The following BNC2 variants were observed in gnomAD, a reference collection of about 807,000 sequenced individuals.
BNC2 encodes the protein basonuclin zinc finger protein 2, also known as zinc finger protein basonuclin-2.
A neutral mutation model predicts 76.3 loss-of-function variants in BNC2; 20 were observed. That is an observed-to-expected ratio of 0.26 (90% CI 0.18 to 0.38). BNC2 has a LOEUF of 0.38. Among genes scored for constraint, BNC2 ranks in the 10% least tolerant of loss-of-function variants. The probability of loss-of-function intolerance (pLI) is 1.00; values close to 1 mark genes in which losing one functional copy is unlikely to be tolerated. For synonymous variants in BNC2, 582 were observed against 514.8 expected, an observed-to-expected ratio of 1.13 and a Z score of -1.77; for missense variants, 1,382 against 1,399.8, an observed-to-expected ratio of 0.99 and a Z score of 0.20.
At chr9:16,669,226 G>C (rs1410745967) in intron 3 of BNC2, among the ~76,000 whole-genome samples, 1 of 152,136 alleles carries the variant, frequency 6.6e-6, no homozygotes, top group African/African-American at 2.4e-5. Flanking sequence ...TATATTGAAA[G>C]TGACCAACCA....
At chr9:16,658,669 C>G (rs1822004973) in intron 3 of BNC2, among the ~76,000 whole-genome samples, 1 of 152,186 alleles carries the variant, frequency 6.6e-6, no homozygotes, top group African/African-American at 2.4e-5. Context: ...CAGCCCTTTT[C>G]CTCCCCAGCA....
At chr9:16,848,364 T>G (rs1819041113) in intron 1 of BNC2, among the ~76,000 whole-genome samples, 1 of 152,130 alleles carries the variant, frequency 6.6e-6, no homozygotes, top group South Asian at 2.1e-4. Flanking sequence ...TGTAATTAAG[T>G]GCATTCTTGA....
chr9:16,532,302 T>A (rs1818006228), intron 5 of BNC2, among the ~76,000 whole-genome samples: 1 of 152,172 alleles, frequency 6.6e-6, no homozygotes, highest in African/African-American at 2.4e-5. Flanking sequence ...ATTTTCCCTG[T>A]CCTTTTATTA....
intron 5 of BNC2, among the ~76,000 whole-genome samples, chr9:16,467,966 C>A (rs1180012944): frequency 6.6e-6 from 1 of 151,832 alleles, no homozygotes; most frequent in Non-Finnish European, 1.5e-5. Context: ...TCACTTCTTC[C>A]AATTCTATCC....
intron 3 of BNC2, among the ~76,000 whole-genome samples, chr9:16,716,413 C>T (rs1823996909): frequency 6.6e-6 from 1 of 152,094 alleles, no homozygotes; most frequent in South Asian, 2.1e-4. Flanking sequence ...TACCTAAAAG[C>T]AGATGTCTAT....
At chr9:16,486,706 C>A (rs1822171318) in intron 5 of BNC2, among the ~76,000 whole-genome samples, 1 of 152,014 alleles carries the variant, frequency 6.6e-6, no homozygotes, top group Non-Finnish European at 1.5e-5. Flanking sequence ...TAAACTGTAG[C>A]AATTTGGGAG....
rs569381582 is a variant in BNC2, at chr9:16,481,995, GTAA to G, written c.670-44474_670-44472del. 6.6e-5 allele frequency among the ~76,000 whole-genome samples: 10 copies of G among 152,250 alleles called. No homozygotes were observed. The South Asian group carries it at 2.1e-3, about 32-fold the overall frequency. ...GGATAATCTGAGCTCCAAAGTATGT[GTAA>G]TAAAATAAGTACTCAATAAATGTTA... On this transcript the variant is annotated intron_variant, in intron 5 of 6. Coordinates refer to ENST00000380672, the MANE Select transcript of BNC2 (RefSeq NM_017637.6).
intron 1 of BNC2, among the ~76,000 whole-genome samples, chr9:16,842,560 T>C (rs1304582007): frequency 6.6e-6 from 1 of 152,198 alleles, no homozygotes; most frequent in Non-Finnish European, 1.5e-5. Flanking sequence ...TAAATAGTGT[T>C]GATGGTTCCA....
At chr9:16,479,281 AAAAAG>A (rs138150754) in intron 5 of BNC2, among the ~76,000 whole-genome samples, 3 of 151,872 alleles carry the variant, frequency 2.0e-5, no homozygotes, top group South Asian at 2.1e-4. Flanking sequence ...AAAGAAAAAG[AAAAAG>A]AAAAGAAAAA....
intron 6 of BNC2, among the ~76,000 whole-genome samples, chr9:16,426,616 C>T (rs1261812935): frequency 1.3e-5 from 2 of 152,104 alleles, no homozygotes; most frequent in Non-Finnish European, 2.9e-5. Flanking sequence ...CTAATAAAGA[C>T]ACCTGAACAA....
At chr9:16,755,535 C>T (rs907262344) in intron 1 of BNC2, among the ~76,000 whole-genome samples, 18 of 151,980 alleles carry the variant, frequency 1.2e-4, no homozygotes, top group African/African-American at 4.4e-4. Flanking sequence ...AGAGATGACC[C>T]CCCCATCCTT....
chr9:16,480,066 T>C (rs1822013358), intron 5 of BNC2, among the ~76,000 whole-genome samples: 1 of 152,228 alleles, frequency 6.6e-6, no homozygotes, highest in Admixed American at 6.5e-5. Context: ...TGTAACAACA[T>C]TCAACACAGG....
chr9:16,470,942 C>T lies in BNC2; in HGVS notation c.670-33418G>A, dbSNP rs186658674. 2.6e-3 allele frequency among the ~76,000 whole-genome samples: 393 copies of T among 152,268 alleles called. 3 individuals carry two copies. Among genetic ancestry groups the T allele is most frequent in the Non-Finnish European group, 2.7e-3 (181 of 68,030 alleles). ...GAAGAGGGCCACCGACCTTTAGACC[C>T]GAGAATGGTAAATCCACCGACAACT... On this transcript the variant is annotated intron_variant, in intron 5 of 6. Coordinates refer to ENST00000380672, the MANE Select transcript of BNC2 (RefSeq NM_017637.6).
At chr9:16,750,158 C>G (rs543051906) in intron 1 of BNC2, among the ~76,000 whole-genome samples, 1 of 151,942 alleles carries the variant, frequency 6.6e-6, no homozygotes, top group Non-Finnish European at 1.5e-5. Flanking sequence ...GAACTGATAC[C>G]TAAAATAATT....
At chr9:16,569,078 A>T (rs1465114044) in intron 4 of BNC2, among the ~76,000 whole-genome samples, 1 of 150,392 alleles carries the variant, frequency 6.6e-6, no homozygotes, top group African/African-American at 2.5e-5. Context: ...AAGTGTGGTG[A>T]TAAAAACTGT....
intron 5 of BNC2, among the ~76,000 whole-genome samples, chr9:16,451,089 T>G (rs368117384): frequency 6.6e-6 from 1 of 152,192 alleles, no homozygotes; most frequent in Non-Finnish European, 1.5e-5. Flanking sequence ...TGGATTTCGT[T>G]GCCTTTTTAC....
chr9:16,593,073 A>G (rs563384084), intron 3 of BNC2, among the ~76,000 whole-genome samples: 1 of 152,222 alleles, frequency 6.6e-6, no homozygotes, highest in East Asian at 1.9e-4. Context: ...TCAAAGTATT[A>G]AAAAAATTCT....
chr9:16,655,949 A>G (rs1463289795), intron 3 of BNC2, among the ~76,000 whole-genome samples: 1 of 152,178 alleles, frequency 6.6e-6, no homozygotes, highest in East Asian at 1.9e-4. Flanking sequence ...ACGTGTGGAC[A>G]TATTCGCCAC....
At chr9:16,544,520 G>C (rs1419041654) in intron 5 of BNC2, among the ~76,000 whole-genome samples, 2 of 152,068 alleles carry the variant, frequency 1.3e-5, no homozygotes, top group Non-Finnish European at 2.9e-5. Flanking sequence ...GTCATATATA[G>C]AATAAACCAT....
Sources: allele counts gnomAD v4.1 joint callset (sites outside exome capture counted in the v4.1 genomes callset), GRCh38; gene constraint gnomAD v4.1.1; transcripts MANE v1.5; gene names NCBI Gene and HGNC (gene_info 2026-07-23, HGNC 2026-07-21).